Variants in CWC22 observed in about 807,000 individuals in gnomAD.
The protein encoded by CWC22 is CWC22 spliceosome associated protein.
Under a neutral mutation model 117.2 loss-of-function variants are expected in CWC22, and 53 were observed. That is an observed-to-expected ratio of 0.45 (90% CI 0.36 to 0.57). The LOEUF (loss-of-function observed/expected upper bound fraction) is 0.57. CWC22 is among the 20% of genes least tolerant of loss of function. The pLI, the probability that CWC22 is intolerant of heterozygous loss-of-function variation, is 0.00. For missense variants in CWC22, 980 were observed against 1,068.8 expected, an observed-to-expected ratio of 0.92 and a Z score of 1.16; for synonymous variants, 360 against 355.6, an observed-to-expected ratio of 1.01 and a Z score of -0.14.
intron 17 of CWC22, among the ~76,000 whole-genome samples, chr2:179,951,755 G>C (rs1686454407): frequency 6.6e-6 from 1 of 152,102 alleles, no homozygotes; most frequent in South Asian, 2.1e-4. Context: ...AAGAGAAGTG[G>C]ATGGAATAGT....
At position 179,955,050 on chromosome 2, in the gene CWC22, A is replaced by C. The variant is rs746657885; in HGVS notation, c.1459-16T>G. ...AGAGTTCTTTCTATTTGGGAAAAAA[A>C]ATACATTAATGATTCAAAACACAAA... On this transcript the variant is annotated splice_polypyrimidine_tract_variant and intron_variant, in intron 14 of 19. Coordinates refer to ENST00000410053, the MANE Select transcript of CWC22 (RefSeq NM_020943.3). 6.6e-7 allele frequency: 1 copy of C among 1,525,592 alleles called. No homozygotes were observed. Among genetic ancestry groups the C allele is most frequent in the Non-Finnish European group, 9.0e-7 (1 of 1,111,790 alleles). The allele number at this position is 1,525,592 out of a possible 1,614,324, so 94.5% of individuals were successfully genotyped here. A position where few individuals can be genotyped will look rare whatever the true frequency, so the allele number is the denominator to read the frequency against.
At chr2:179,995,946 G>C (rs1420602759) in intron 1 of CWC22, among the ~76,000 whole-genome samples, 1 of 152,126 alleles carries the variant, frequency 6.6e-6, no homozygotes, top group Non-Finnish European at 1.5e-5. Flanking sequence ...TCAGTGGAGG[G>C]GAACCCCATA....
intron 19 of CWC22, 134 bp from the exon 20 acceptor site, chr2:179,945,849 G>A: frequency 1.7e-6 from 1 of 598,478 alleles, no homozygotes; most frequent in Non-Finnish European, 2.9e-6. Flanking sequence ...TGATTGAATA[G>A]AAAGTCTGAT....
intron 1 of CWC22, among the ~76,000 whole-genome samples, chr2:179,993,915 T>C (rs913605135): frequency 6.6e-6 from 1 of 152,168 alleles, no homozygotes; most frequent in Non-Finnish European, 1.5e-5. Flanking sequence ...TAATGATCAT[T>C]AAGAAATAAA....
At chr2:179,974,161 T>C (rs1687099956) in intron 6 of CWC22, among the ~76,000 whole-genome samples, 1 of 152,178 alleles carries the variant, frequency 6.6e-6, no homozygotes. Flanking sequence ...AAAGCAGACC[T>C]GCTTCAAAAG....
intron 14 of CWC22, among the ~76,000 whole-genome samples, chr2:179,956,304 T>A (rs1686589882): frequency 6.6e-6 from 1 of 151,716 alleles, no homozygotes; most frequent in African/African-American, 2.4e-5. Flanking sequence ...CCATTATGGC[T>A]AGTGGCTATT....
At chr2:179,989,600 A>G (rs1054421707) in intron 2 of CWC22, among the ~76,000 whole-genome samples, 2 of 152,190 alleles carry the variant, frequency 1.3e-5, no homozygotes, top group Non-Finnish European at 2.9e-5. Context: ...AATTTTTTGA[A>G]AAACAATCAA....
intron 17 of CWC22, 32 bp downstream of exon 17, chr2:179,952,439 T>C: frequency 2.0e-6 from 3 of 1,515,538 alleles, no homozygotes; most frequent in Non-Finnish European, 2.7e-6. Context: ...CAGAGGTCAA[T>C]AAGAATAAAA....
intron 1 of CWC22, among the ~76,000 whole-genome samples, chr2:180,002,605 G>A (rs1479863461): frequency 6.6e-6 from 1 of 152,206 alleles, no homozygotes; most frequent in Non-Finnish European, 1.5e-5. Flanking sequence ...TTACACAACA[G>A]ACAAGGCATT....
At chr2:180,004,086 A>G (rs909910151) in intron 1 of CWC22, among the ~76,000 whole-genome samples, 2 of 152,144 alleles carry the variant, frequency 1.3e-5, no homozygotes, top group Non-Finnish European at 2.9e-5. Flanking sequence ...GGGAAATTCG[A>G]CAAGGGAGGC....
chr2:179,999,421 C>T (rs768389664), intron 1 of CWC22, among the ~76,000 whole-genome samples: 1 of 152,010 alleles, frequency 6.6e-6, no homozygotes, highest in African/African-American at 2.4e-5. Flanking sequence ...ATAGTATTCA[C>T]GAGAGCACTA....
intron 4 of CWC22, among the ~76,000 whole-genome samples, chr2:179,982,857 A>G (rs554344258): frequency 6.6e-6 from 1 of 152,252 alleles, no homozygotes; most frequent in East Asian, 1.9e-4. Flanking sequence ...TTTTACATAT[A>G]CTGCCTTGGA....
intron 6 of CWC22, among the ~76,000 whole-genome samples, chr2:179,976,500 T>C (rs958489352): frequency 2.2e-5 from 1 of 46,506 alleles, no homozygotes; most frequent in African/African-American, 9.1e-5. Flanking sequence ...GAGAAAACAT[T>C]TGCAAACATA....
chr2:179,977,757 A>C (rs957612676), intron 6 of CWC22, among the ~76,000 whole-genome samples: 4 of 152,230 alleles, frequency 2.6e-5, no homozygotes, highest in African/African-American at 9.6e-5. Flanking sequence ...AATGCATGTT[A>C]AACAGCTTGA....
rs184311663 is a variant in CWC22 at position 179,948,070 on chromosome 2, G to C, written c.2141-2355C>G. On this transcript the variant is annotated intron_variant, in intron 19 of 19. Transcript: ENST00000410053. ...AGCATTTCCACTTCCAGGTAGGATA[G>C]AGAAGACTGTGGCAAACCTGTGCTC... 2.4e-4 allele frequency among the ~76,000 whole-genome samples: 36 copies of C among 152,314 alleles called. No individual in the cohort carries two copies. In the East Asian group the frequency reaches 5.0e-3, roughly 21 times the overall value.
chr2:179,978,647 T>C (rs1395086223), intron 5 of CWC22, among the ~76,000 whole-genome samples: 1 of 152,114 alleles, frequency 6.6e-6, no homozygotes, highest in Non-Finnish European at 1.5e-5. Context: ...TTACATATAA[T>C]GCTTGATTTA....
Position 179,993,463 on chromosome 2 carries a change from T to C in CWC22, c.-113-9A>G, listed in dbSNP as rs1180579166. ...CTGTCTGCAAACATCACCTATAAAA[T>C]ATACCAAAGAAAGCTTTATTAACAC... On this transcript the variant is annotated splice_polypyrimidine_tract_variant and intron_variant, in intron 1 of 19. Transcript: ENST00000410053. 1.5e-6 allele frequency: 1 copy of C among 682,142 alleles called. No individual in the cohort carries two copies. The highest frequency in any genetic ancestry group is 1.8e-5 in the African/African-American group (1 of 55,308). The allele number at this position is 682,142 out of a possible 1,614,324, so 42.3% of individuals were successfully genotyped here.
In CWC22 at chr2:179,999,383, G is replaced by A. The variant is rs550208499; in HGVS notation, c.-113-5929C>T. Among the ~76,000 whole-genome samples the A allele has an allele frequency of 4.6e-3, 701 of 152,078 alleles. 2 individuals are homozygous for A. The highest frequency in any genetic ancestry group is 7.2e-3 in the Non-Finnish European group (491 of 67,970). On this transcript the variant is annotated intron_variant, in intron 1 of 19. Coordinates refer to ENST00000410053, the MANE Select transcript of CWC22 (RefSeq NM_020943.3). ...TCAACAAAACCACACCTGTTCTCCC[G>A]AAGAAAGGATATTTTCCAATAGGAG...
intron 14 of CWC22, among the ~76,000 whole-genome samples, chr2:179,957,950 G>T (rs1323336866): frequency 2.0e-5 from 3 of 152,136 alleles, no homozygotes; most frequent in Non-Finnish European, 4.4e-5. Flanking sequence ...CAAGCTGTAA[G>T]ACAGTGAGTC....
Sources: allele counts gnomAD v4.1 joint callset (sites outside exome capture counted in the v4.1 genomes callset), GRCh38; gene constraint gnomAD v4.1.1; transcripts MANE v1.5; gene names NCBI Gene and HGNC (gene_info 2026-07-23, HGNC 2026-07-21).